The following AGBL1 variants were observed in gnomAD, a reference collection of about 807,000 sequenced individuals.
The protein encoded by AGBL1 is cytosolic carboxypeptidase 4.
Under a neutral mutation model 118.9 loss-of-function variants are expected in AGBL1, and 130 were observed. The ratio of observed to expected loss-of-function variants is 1.09; its 90% CI spans 0.95 to 1.26. The LOEUF is 1.26. AGBL1 is among the 50% of genes most tolerant of loss of function. The pLI, the probability that AGBL1 is intolerant of heterozygous loss-of-function variation, is 0.00. For missense variants in AGBL1, 1,584 were observed against 1,298.1 expected (o/e 1.22, Z -3.38); for synonymous variants, 555 against 478.9 (o/e 1.16, Z -2.08).
In AGBL1 at chr15:87,018,655, T is replaced by A. The variant is rs1318140565; in HGVS notation, c.3324-10170T>A. On this transcript the variant is annotated intron_variant, in intron 24 of 24. Transcript: ENST00000441037. ...AAAACTGTTACCAAAAGTATTTTTT[T>A]ACAAAAGCACACTGAAGTACACAGA... 5.3e-5 allele frequency among the ~76,000 whole-genome samples: 8 copies of A among 152,020 alleles called. 1 individual carries two copies. The highest frequency in any genetic ancestry group is 3.9e-4 in the Admixed American group (6 of 15,246).
At chr15:86,885,254 T>C (rs2079953964) in intron 22 of AGBL1, among the ~76,000 whole-genome samples, 1 of 152,148 alleles carries the variant, frequency 6.6e-6, no homozygotes, top group Admixed American at 6.6e-5. Context: ...TATTTTATAA[T>C]ATTGTATGTG....
chr15:86,470,495 T>G (rs2082465608), intron 18 of AGBL1, among the ~76,000 whole-genome samples: 1 of 152,200 alleles, frequency 6.6e-6, no homozygotes, highest in South Asian at 2.1e-4. Flanking sequence ...TTGTTCTTTA[T>G]GCTCAAGATT....
intron 18 of AGBL1, among the ~76,000 whole-genome samples, chr15:86,517,840 G>T (rs1345748946): frequency 6.6e-6 from 1 of 152,138 alleles, no homozygotes; most frequent in East Asian, 1.9e-4. Flanking sequence ...TATTTGGAAA[G>T]CTCTGGGTGC....
intron 24 of AGBL1, among the ~76,000 whole-genome samples, chr15:86,988,764 A>C (rs1026125974): frequency 6.6e-6 from 1 of 152,178 alleles, no homozygotes; most frequent in African/African-American, 2.4e-5. Flanking sequence ...TATGTTTAGA[A>C]ACAAAGTTAT....
At chr15:86,657,798 C>T (rs2447279) in intron 21 of AGBL1, among the ~76,000 whole-genome samples, 101,273 of 151,506 alleles carry the variant, frequency 0.67, 36,414 homozygotes, top group Middle Eastern at 0.81. Flanking sequence ...AAATGGGCTA[C>T]TGGCCTGGGG....
intron 22 of AGBL1, among the ~76,000 whole-genome samples, chr15:86,768,523 T>A (rs538061364): frequency 6.6e-6 from 1 of 152,028 alleles, no homozygotes; most frequent in African/African-American, 2.4e-5. Flanking sequence ...AGGGTCTTTG[T>A]GCTTGCTTTT....
chr15:86,880,970 G>A (rs952244150), intron 22 of AGBL1, among the ~76,000 whole-genome samples: 4 of 152,056 alleles, frequency 2.6e-5, no homozygotes, highest in African/African-American at 9.7e-5. Context: ...GTGTTCTTCA[G>A]GTGCACACCC....
intron 21 of AGBL1, among the ~76,000 whole-genome samples, chr15:86,659,772 C>T (rs1163714794): frequency 2.6e-5 from 4 of 152,196 alleles, no homozygotes; most frequent in Non-Finnish European, 5.9e-5. Context: ...CATTTCTCAT[C>T]ATTTGAACTG....
chr15:86,339,943 C>A (rs928949867), intron 17 of AGBL1, among the ~76,000 whole-genome samples: 2 of 150,754 alleles, frequency 1.3e-5, no homozygotes, highest in Non-Finnish European at 2.9e-5. Flanking sequence ...TCCAGCCTGG[C>A]GACAGGGCGG....
At chr15:86,296,796 G>T (rs1567184737) in intron 17 of AGBL1, 1 of 152,188 alleles carries the variant, frequency 6.6e-6, no homozygotes, top group Non-Finnish European at 1.5e-5. Flanking sequence ...GATGAGCAGT[G>T]CTTGGGAGCT....
chr15:86,375,686 G>T (rs899291792), intron 17 of AGBL1, among the ~76,000 whole-genome samples: 1 of 152,208 alleles, frequency 6.6e-6, no homozygotes, highest in Non-Finnish European at 1.5e-5. Flanking sequence ...GCAAGTACAT[G>T]CAGGGAAGAA....
intron 20 of AGBL1, among the ~76,000 whole-genome samples, chr15:86,552,599 T>A (rs1163207121): frequency 1.3e-5 from 2 of 152,216 alleles, no homozygotes; most frequent in Non-Finnish European, 2.9e-5. Context: ...AACATACTGC[T>A]CGATGTGTAG....
intron 21 of AGBL1, among the ~76,000 whole-genome samples, chr15:86,580,369 G>C (rs1234863461): frequency 1.3e-5 from 2 of 152,034 alleles, no homozygotes; most frequent in East Asian, 1.9e-4. Context: ...ACTTAACTAT[G>C]TATACATATA....
intron 21 of AGBL1, among the ~76,000 whole-genome samples, chr15:86,633,280 T>C (rs913877818): frequency 6.6e-6 from 1 of 152,230 alleles, no homozygotes; most frequent in Non-Finnish European, 1.5e-5. Flanking sequence ...GCACACACGT[T>C]AATTATTACC....
intron 20 of AGBL1, among the ~76,000 whole-genome samples, chr15:86,553,036 A>C (rs1183364304): frequency 6.6e-6 from 1 of 152,172 alleles, no homozygotes; most frequent in Non-Finnish European, 1.5e-5. Flanking sequence ...ATGTTCTAGA[A>C]ATTAACAAAA....
At chr15:86,852,804 A>G (rs1192265601) in intron 22 of AGBL1, among the ~76,000 whole-genome samples, 1 of 152,174 alleles carries the variant, frequency 6.6e-6, no homozygotes, top group African/African-American at 2.4e-5. Flanking sequence ...CCTAGAAGGC[A>G]TCTTGCCTAT....
intron 18 of AGBL1, among the ~76,000 whole-genome samples, chr15:86,492,529 G>T (rs1180295679): frequency 6.6e-6 from 1 of 151,376 alleles, no homozygotes; most frequent in African/African-American, 2.4e-5. Context: ...GGCGGAGGTT[G>T]CAGTGAGCTG....
chr15:86,848,629 C>G (rs1596547822), intron 22 of AGBL1, among the ~76,000 whole-genome samples: 1 of 152,084 alleles, frequency 6.6e-6, no homozygotes, highest in Non-Finnish European at 1.5e-5. Context: ...AATGGGTTAC[C>G]TAAGACTATA....
chr15:86,289,454 A>G (rs1173837862), intron 16 of AGBL1, among the ~76,000 whole-genome samples: 1 of 152,226 alleles, frequency 6.6e-6, no homozygotes, highest in Non-Finnish European at 1.5e-5. Flanking sequence ...CCTACATAAC[A>G]GATGCTCTTC....
Sources: gnomAD v4.1 joint callset for allele counts (sites outside exome capture counted in the v4.1 genomes callset) on GRCh38, gnomAD v4.1.1 for gene constraint, MANE v1.5 for transcripts, NCBI Gene and HGNC (gene_info 2026-07-23, HGNC 2026-07-21) for gene names.